XIRP2: variants seen among roughly 807,000 people sequenced by gnomAD.
XIRP2 encodes xin actin binding repeat containing 2, also known as xin actin-binding repeat-containing protein 2.
In XIRP2, 236 loss-of-function variants were observed where a neutral mutation model predicts 277.0. That is an observed-to-expected ratio of 0.85 (90% CI 0.77 to 0.95). The LOEUF is 0.95. Ranked by LOEUF, XIRP2 falls within the 40% of genes least tolerant of loss-of-function variation. The pLI is 0.00. For missense variants in XIRP2, 4,640 were observed against 4,157.5 expected (o/e 1.12, Z -3.19); for synonymous variants, 1,490 against 1,416.5 (o/e 1.05, Z -1.17).
chr2:166,966,828 G>T (rs1336165651), intron 2 of XIRP2, among the ~76,000 whole-genome samples: 2 of 152,012 alleles, frequency 1.3e-5, no homozygotes, highest in African/African-American at 4.8e-5. Flanking sequence ...ACTACAGCTT[G>T]CATAGAGTCT....
At chr2:166,936,217 G>C (rs921735280) in intron 2 of XIRP2, among the ~76,000 whole-genome samples, 1 of 152,194 alleles carries the variant, frequency 6.6e-6, no homozygotes, top group African/African-American at 2.4e-5. Context: ...CTTCTTTTGA[G>C]AAGTGTCTGT....
At chr2:167,161,951 A>C (rs975844222) in intron 3 of XIRP2, among the ~76,000 whole-genome samples, 1 of 152,164 alleles carries the variant, frequency 6.6e-6, no homozygotes, top group Admixed American at 6.5e-5. Flanking sequence ...AATTTCTTCC[A>C]CTAGATAACC....
chr2:166,930,404 A>G (rs1252688486), intron 2 of XIRP2, among the ~76,000 whole-genome samples: 1 of 152,122 alleles, frequency 6.6e-6, no homozygotes, highest in African/African-American at 2.4e-5. Context: ...ATTGTTGTTG[A>G]TAGTATCCTA....
chr2:167,151,105 C>T (rs536876061), intron 3 of XIRP2, among the ~76,000 whole-genome samples: 1 of 152,192 alleles, frequency 6.6e-6, no homozygotes, highest in East Asian at 1.9e-4. Flanking sequence ...CTAGATTCTT[C>T]TACAGGTTTG....
chr2:167,027,527 A>G (rs1688203631), intron 2 of XIRP2, among the ~76,000 whole-genome samples: 1 of 152,142 alleles, frequency 6.6e-6, no homozygotes, highest in African/African-American at 2.4e-5. Flanking sequence ...TTCTCCATCC[A>G]GCTTTGTTCC....
chr2:167,118,965 T>C (rs962740497), intron 2 of XIRP2, among the ~76,000 whole-genome samples: 3 of 152,086 alleles, frequency 2.0e-5, no homozygotes, highest in Admixed American at 1.3e-4. Context: ...GGAAAGGAGA[T>C]AAATTCAAGA....
chr2:167,251,065 A>G lies in XIRP2; in HGVS notation c.9673A>G (p.Ile3225Val). 1 of 1,613,664 alleles carries G rather than the reference A, an allele frequency of 6.2e-7. No individual in the cohort carries two copies. The highest frequency in any genetic ancestry group is 2.2e-5 in the East Asian group (1 of 44,830). ...IMSPATLRRQ[I>V]KIETRGRDSP... ...GTCTCCTGCAACACTTCGTCGTCAA[A>G]TTAAGATAGAAACTCGTGGTAGGGA... is the stretch of plus-strand genomic sequence containing the variant. The change falls in exon 9 of 11, where the codon ATT becomes GTT. Residue 3225 changes from isoleucine to valine, a missense_variant. Transcript: ENST00000409195.
chr2:167,011,071 C>T (rs909722450), intron 2 of XIRP2, among the ~76,000 whole-genome samples: 1 of 151,626 alleles, frequency 6.6e-6, no homozygotes, highest in Admixed American at 6.6e-5. Context: ...ATTTCCTTCT[C>T]CTGCCTAATT....
At chr2:167,062,299 A>G (rs779549973) in intron 2 of XIRP2, among the ~76,000 whole-genome samples, 1 of 152,136 alleles carries the variant, frequency 6.6e-6, no homozygotes, top group Non-Finnish European at 1.5e-5. Context: ...GCTATACCCC[A>G]CTGGACCTCA....
chr2:167,179,542 G>A (rs149850753), intron 3 of XIRP2, among the ~76,000 whole-genome samples: 1,772 of 151,868 alleles, frequency 0.012, 35 homozygotes, highest in South Asian at 0.063. Context: ...GGCTGCTCTC[G>A]AACTCCTGAC....
At chr2:167,035,476 T>C (rs898441889) in intron 2 of XIRP2, among the ~76,000 whole-genome samples, 1 of 152,210 alleles carries the variant, frequency 6.6e-6, no homozygotes, top group African/African-American at 2.4e-5. Flanking sequence ...ATTTTGCCCC[T>C]GCCTTAGGGA....
chr2:166,925,682 T>C (rs1685170406), intron 2 of XIRP2, among the ~76,000 whole-genome samples: 1 of 149,304 alleles, frequency 6.7e-6, no homozygotes. Context: ...TAGGGAAAGA[T>C]TATATCACAA....
intron 3 of XIRP2, among the ~76,000 whole-genome samples, chr2:167,153,137 C>T (rs980276148): frequency 6.6e-6 from 1 of 151,810 alleles, no homozygotes; most frequent in Non-Finnish European, 1.5e-5. Flanking sequence ...TTAATTTTAC[C>T]ACAACCAAGA....
rs188658609 is a variant in XIRP2 at position 166,903,789 on chromosome 2, A to G, written c.307A>G (p.Ser103Gly). 4.3e-6 allele frequency: 7 copies of G among 1,613,700 alleles called. No homozygotes were observed. The highest frequency in any genetic ancestry group is 1.7e-4 in the Middle Eastern group (1 of 6,060). ...PEVLKEDSLSSRRRIERFSIA... is the reference protein window; with the variant it reads ...PEVLKEDSLSGRRRIERFSIA... The stretch of plus-strand genomic sequence containing the variant: ...AGTGCTGAAGGAGGATTCCCTGAGC[A>G]GTCGGCGCAGGATTGAACGCTTTTC... Residue 103 changes from serine (S) to glycine (G), a missense_variant, in exon 2 of 11, where the codon AGT becomes GGT. By Grantham distance (56) the Ser-to-Gly change is moderately conservative. Transcript: ENST00000409195.
In XIRP2 at chr2:167,243,781, A is replaced by AT. The variant is rs1695155873; in HGVS notation, c.2390dup (p.Met797IlefsTer11). On this transcript the variant is annotated frameshift_variant, in exon 9 of 11. Coordinates refer to ENST00000409195, the MANE Select transcript of XIRP2 (RefSeq NM_152381.6). LOFTEE classifies it high-confidence loss of function. ...AATTAAAGTTGTCCGAGGAATATCC[A>AT]TGGAAGAAAATGTCAAAGGTGGGGT... is the stretch of plus-strand genomic sequence containing the variant. 3 of 1,613,976 alleles carry AT rather than the reference A, an allele frequency of 1.9e-6. No homozygotes were observed. Among genetic ancestry groups the AT allele is most frequent in the Non-Finnish European group, 2.5e-6 (3 of 1,179,980 alleles).
At chr2:167,039,933 T>A (rs887460866) in intron 2 of XIRP2, among the ~76,000 whole-genome samples, 1 of 152,104 alleles carries the variant, frequency 6.6e-6, no homozygotes, top group Admixed American at 6.6e-5. Flanking sequence ...AAAATCAATA[T>A]ACATACATGC....
intron 2 of XIRP2, among the ~76,000 whole-genome samples, chr2:166,945,287 G>GTT (rs941086135): frequency 6.6e-6 from 1 of 151,788 alleles, no homozygotes; most frequent in African/African-American, 2.4e-5. Context: ...GTTTTGCTCT[G>GTT]TTTTTTTTAT....
intron 2 of XIRP2, among the ~76,000 whole-genome samples, chr2:166,938,927 A>G (rs201799323): frequency 6.6e-6 from 1 of 151,642 alleles, no homozygotes; most frequent in Admixed American, 6.6e-5. Flanking sequence ...CTGCCTTTTT[A>G]TGTTTTCCAT....
intron 3 of XIRP2, among the ~76,000 whole-genome samples, chr2:167,209,452 C>A (rs760292008): frequency 1.2e-4 from 19 of 152,004 alleles, no homozygotes; most frequent in Non-Finnish European, 2.6e-4. Flanking sequence ...ACAGAGGGAA[C>A]AGCTTGGCTG....
Sources: allele counts gnomAD v4.1 joint callset (sites outside exome capture counted in the v4.1 genomes callset), GRCh38; gene constraint gnomAD v4.1.1; transcripts MANE v1.5; gene names NCBI Gene and HGNC (gene_info 2026-07-23, HGNC 2026-07-21).